SORBS2: variants seen among roughly 807,000 people sequenced by gnomAD.
The protein encoded by SORBS2 is sorbin and SH3 domain-containing protein 2.
A neutral mutation model predicts 97.7 loss-of-function variants in SORBS2; 46 were observed. The ratio of observed to expected loss-of-function variants is 0.47; its 90% CI spans 0.37 to 0.60. The LOEUF (loss-of-function observed/expected upper bound fraction) is 0.60. Ranked by LOEUF, SORBS2 falls within the 20% of genes least tolerant of loss-of-function variation. The pLI, the probability that SORBS2 is intolerant of heterozygous loss-of-function variation, is 0.00. For synonymous variants in SORBS2, 476 were observed against 473.4 expected (o/e 1.01, Z -0.07); for missense variants, 1,316 against 1,282.3 (o/e 1.03, Z -0.40).
chr4:185,595,158 G>C (rs1159761029), intron 12 of SORBS2, among the ~76,000 whole-genome samples: 1 of 152,088 alleles, frequency 6.6e-6, no homozygotes, highest in Admixed American at 6.5e-5. Flanking sequence ...TCTAGCATAA[G>C]ACTAGGTACT....
intron 4 of SORBS2, chr4:185,677,363 G>A (rs914303323): frequency 1.5e-5 from 23 of 1,552,256 alleles, no homozygotes; most frequent in African/African-American, 4.1e-5. Flanking sequence ...TGATGTTAGC[G>A]AATGGTGCAG....
intron 1 of SORBS2, among the ~76,000 whole-genome samples, chr4:185,919,833 T>C (rs1023174802): frequency 6.6e-6 from 1 of 152,278 alleles, no homozygotes; most frequent in Non-Finnish European, 1.5e-5. Flanking sequence ...TTTCATGCCA[T>C]GCATCTCTGG....
At chr4:185,600,234 G>A (rs2096228064) in intron 12 of SORBS2, among the ~76,000 whole-genome samples, 1 of 152,206 alleles carries the variant, frequency 6.6e-6, no homozygotes, top group African/African-American at 2.4e-5. Flanking sequence ...ACAGGCACCA[G>A]CTGCCATCTT....
chr4:185,953,920 C>T (rs2099278411), intron 1 of SORBS2, among the ~76,000 whole-genome samples: 1 of 152,260 alleles, frequency 6.6e-6, no homozygotes, highest in East Asian at 1.9e-4. Context: ...CAAGGCCAAC[C>T]TTGGTCCATT....
intron 5 of SORBS2, among the ~76,000 whole-genome samples, chr4:185,629,818 C>T (rs2096877956): frequency 6.6e-6 from 1 of 152,080 alleles, no homozygotes. Flanking sequence ...CCCTCAGCCT[C>T]CCAACTGCTG....
intron 1 of SORBS2, among the ~76,000 whole-genome samples, chr4:185,842,851 C>T (rs929337723): frequency 3.4e-5 from 5 of 148,478 alleles, no homozygotes; most frequent in Non-Finnish European, 7.4e-5. Context: ...AAGGGAATCG[C>T]TTGGGCCCAG....
chr4:185,805,814 C>G (rs932700879), intron 1 of SORBS2, among the ~76,000 whole-genome samples: 10 of 152,184 alleles, frequency 6.6e-5, no homozygotes, highest in Admixed American at 6.5e-4. Context: ...GTTAAATGCA[C>G]GCGTTTTGGA....
intron 12 of SORBS2, among the ~76,000 whole-genome samples, chr4:185,595,944 T>C (rs1161947736): frequency 6.6e-6 from 1 of 152,206 alleles, no homozygotes; most frequent in African/African-American, 2.4e-5. Context: ...AAAAATACTG[T>C]ACTCAAAAGT....
chr4:185,684,785 T>C lies in SORBS2; in HGVS notation c.-197-5963A>G. ...CCAATAGGTTTGGAGAACTTTGCACTCTCTTCACAGATGTTAGCGTAACAG... is the reference window on the plus strand; with the variant it reads ...CCAATAGGTTTGGAGAACTTTGCACCCTCTTCACAGATGTTAGCGTAACAG... On this transcript the variant is annotated intron_variant, in intron 2 of 20. Coordinates refer to the SORBS2 transcript ENST00000284776. The surrounding 1 kb of genome is among the most constrained non-coding windows in gnomAD (Gnocchi z 4.2). 6.4e-7 allele frequency: 1 copy of C among 1,551,894 alleles called. No individual in the cohort carries two copies. Among genetic ancestry groups the C allele is most frequent in the Non-Finnish European group, 8.7e-7 (1 of 1,146,996 alleles).
chr4:185,910,549 G>A (rs1008271048), intron 1 of SORBS2, among the ~76,000 whole-genome samples: 6 of 152,178 alleles, frequency 3.9e-5, no homozygotes, highest in Middle Eastern at 3.4e-3. Flanking sequence ...ATTCATTTAT[G>A]TGTTTGTTTG....
intron 1 of SORBS2, among the ~76,000 whole-genome samples, chr4:185,797,972 T>C (rs1042530215): frequency 6.6e-6 from 1 of 152,208 alleles, no homozygotes; most frequent in African/African-American, 2.4e-5. Context: ...TCGGCACTTG[T>C]GATGCTGCGG....
rs146822534 is a variant in SORBS2 at position 185,749,656 on chromosome 4, T to A, written c.-198+25571A>T. On this transcript the variant is annotated intron_variant, in intron 2 of 20. Transcript: ENST00000284776. The stretch of plus-strand genomic sequence containing the variant: ...AAACAGTAAAGATACATTAGTTCAA[T>A]GTATGCATTAGTGTTTAAGGTAATA... Among the ~76,000 whole-genome samples, 69 of 152,338 alleles carry A rather than the reference T, an allele frequency of 4.5e-4. 1 individual carries two copies. The highest frequency in any genetic ancestry group is 1.6e-3 in the African/African-American group (65 of 41,586).
intron 4 of SORBS2, chr4:185,645,773 T>A (rs1444648962): frequency 6.6e-6 from 1 of 152,222 alleles, no homozygotes; most frequent in Non-Finnish European, 1.5e-5. Context: ...AATGTTTTCC[T>A]AGAAGTAGGC....
chr4:185,663,932 G>A (rs1309462804), intron 4 of SORBS2, among the ~76,000 whole-genome samples: 2 of 134,916 alleles, frequency 1.5e-5, no homozygotes, highest in East Asian at 4.4e-4. Flanking sequence ...TCGGCTCACT[G>A]CAAGCTCCGC....
chr4:185,614,159 GTTTTT>G (rs34929054), intron 11 of SORBS2, among the ~76,000 whole-genome samples: 51 of 91,604 alleles, frequency 5.6e-4, no homozygotes, highest in African/African-American at 1.5e-3. Context: ...GTTTTTTTGT[GTTTTT>G]TTTTTTTTTT....
chr4:185,792,414 A>G (rs2099084404), intron 1 of SORBS2, among the ~76,000 whole-genome samples: 1 of 152,056 alleles, frequency 6.6e-6, no homozygotes, highest in African/African-American at 2.4e-5. Context: ...GAATTGCTTG[A>G]ACCCAGGAGG....
chr4:185,665,803 G>C, intron 4 of SORBS2: 2 of 1,108,818 alleles, frequency 1.8e-6, no homozygotes, highest in Non-Finnish European at 2.2e-6. Flanking sequence ...GGTGGGGGAG[G>C]GTGTCTCAGA....
At chr4:185,766,843 C>T (rs566074385) in intron 2 of SORBS2, among the ~76,000 whole-genome samples, 35 of 152,248 alleles carry the variant, frequency 2.3e-4, no homozygotes, top group African/African-American at 4.1e-4. Context: ...CTTAAAAATA[C>T]ATGCTGTACG....
intron 1 of SORBS2, among the ~76,000 whole-genome samples, chr4:185,879,050 C>T (rs10028021): frequency 0.074 from 11,193 of 151,900 alleles, 536 homozygotes; most frequent in East Asian, 0.18. Flanking sequence ...ACTTTAAGTT[C>T]TAGGGTACAT....
Sources: allele counts gnomAD v4.1 joint callset (sites outside exome capture counted in the v4.1 genomes callset), GRCh38; gene constraint gnomAD v4.1.1; non-coding constraint Gnocchi (gnomAD v3.1); transcripts MANE v1.5; gene names NCBI Gene and HGNC (gene_info 2026-07-23, HGNC 2026-07-21).